Variants in RANBP2 observed in about 807,000 individuals in gnomAD.
RANBP2 encodes E3 SUMO-protein ligase RanBP2.
Under a neutral mutation model 303.6 loss-of-function variants are expected in RANBP2, and 57 were observed. That is an observed-to-expected ratio of 0.19 (90% CI 0.15 to 0.23). RANBP2 has a LOEUF of 0.23. Among genes scored for constraint, RANBP2 ranks in the 10% least tolerant of loss-of-function variants. The pLI, the probability that RANBP2 is intolerant of heterozygous loss-of-function variation, is 1.00. For synonymous variants in RANBP2, 1,167 were observed against 1,301.5 expected (o/e 0.90, Z 2.23); for missense variants, 3,138 against 3,780.8 (o/e 0.83, Z 4.46).
the RANBP2 span, among the ~76,000 whole-genome samples, chr2:108,833,177 A>C: frequency 2.0e-5 from 3 of 152,362 alleles, no homozygotes; most frequent in South Asian, 6.2e-4. Flanking sequence ...CATGGTGGAT[A>C]CATGTCATTA....
At chr2:109,525,038 T>A in the RANBP2 span, among the ~76,000 whole-genome samples, 1 of 151,594 alleles carries the variant, frequency 6.6e-6, no homozygotes, top group East Asian at 1.9e-4. Context: ...ACAGACTAGT[T>A]CAACACTTTC....
At chr2:109,124,205 G>A in the RANBP2 span, among the ~76,000 whole-genome samples, 4 of 149,442 alleles carry the variant, frequency 2.7e-5, no homozygotes, top group South Asian at 2.1e-4. Context: ...ACAGAGTCTC[G>A]CTCTTGTTGC....
At chr2:109,365,349 C>T in the RANBP2 span, among the ~76,000 whole-genome samples, 1 of 152,226 alleles carries the variant, frequency 6.6e-6, no homozygotes, top group Non-Finnish European at 1.5e-5. Flanking sequence ...ACATCAGTTA[C>T]AGTTCAGGCC....
chr2:109,162,826 C>T, the RANBP2 span, among the ~76,000 whole-genome samples: 2 of 152,120 alleles, frequency 1.3e-5, no homozygotes, highest in Non-Finnish European at 2.9e-5. Context: ...AATGTTTAGC[C>T]CCTTGGCTGG....
At chr2:109,614,381 G>T in the RANBP2 span, 2 of 891,232 alleles carry the variant, frequency 2.2e-6, no homozygotes, top group Non-Finnish European at 1.5e-6. Context: ...TAGGCTGGCA[G>T]CCCGCTGAGC....
the RANBP2 span, among the ~76,000 whole-genome samples, chr2:109,136,763 G>T: frequency 6.6e-6 from 1 of 152,210 alleles, no homozygotes; most frequent in African/African-American, 2.4e-5. Flanking sequence ...ATGAATTTAT[G>T]TGAGTTTAAA....
At chr2:109,416,090 G>A in the RANBP2 span, among the ~76,000 whole-genome samples, 1 of 152,142 alleles carries the variant, frequency 6.6e-6, no homozygotes, top group East Asian at 1.9e-4. Flanking sequence ...GCACTTCTCA[G>A]TCTCCAGAAC....
At chr2:108,812,351 T>C in the RANBP2 span, among the ~76,000 whole-genome samples, 1 of 152,194 alleles carries the variant, frequency 6.6e-6, no homozygotes, top group African/African-American at 2.4e-5. Context: ...AACAGTGTAC[T>C]TATTAATAAA....
chr2:108,926,146 C>T, the RANBP2 span, among the ~76,000 whole-genome samples: 1 of 152,340 alleles, frequency 6.6e-6, no homozygotes, highest in Middle Eastern at 3.4e-3. Flanking sequence ...CAACAAAGAA[C>T]ATGTGGCTGT....
the RANBP2 span, among the ~76,000 whole-genome samples, chr2:109,295,065 G>C: frequency 1.3e-5 from 2 of 152,218 alleles, no homozygotes; most frequent in African/African-American, 4.8e-5. Flanking sequence ...TGCCACTGTT[G>C]TCCATGTCAC....
At chr2:108,815,170 A>G in the RANBP2 span, among the ~76,000 whole-genome samples, 3 of 152,178 alleles carry the variant, frequency 2.0e-5, no homozygotes, top group Non-Finnish European at 4.4e-5. Flanking sequence ...TACTGGAAAG[A>G]CAAAGTAACA....
the RANBP2 span, among the ~76,000 whole-genome samples, chr2:108,985,208 T>C: frequency 6.6e-6 from 1 of 152,166 alleles, no homozygotes; most frequent in Non-Finnish European, 1.5e-5. Flanking sequence ...ATGGTATCAG[T>C]TAACAACATC....
the RANBP2 span, among the ~76,000 whole-genome samples, chr2:109,402,076 G>A: frequency 1.3e-5 from 2 of 152,246 alleles, no homozygotes; most frequent in Non-Finnish European, 2.9e-5. Flanking sequence ...GGAGACAGAA[G>A]GGGCACCTGG....
At chr2:109,471,747 G>A in the RANBP2 span, among the ~76,000 whole-genome samples, 25 of 152,252 alleles carry the variant, frequency 1.6e-4, no homozygotes, top group African/African-American at 5.8e-4. Flanking sequence ...CTAATAAGAC[G>A]GTCCCAAGAG....
At chr2:109,719,027 A>AAAAAAAAAAAAAAC in the RANBP2 span, among the ~76,000 whole-genome samples, 2 of 118,214 alleles carry the variant, frequency 1.7e-5, no homozygotes, top group African/African-American at 2.8e-5. Context: ...AAAAAAAAAA[A>AAAAAAAAAAAAAAC]AGAAACAAAA....
At chr2:109,590,666 T>A in the RANBP2 span, among the ~76,000 whole-genome samples, 1 of 152,170 alleles carries the variant, frequency 6.6e-6, no homozygotes, top group Non-Finnish European at 1.5e-5. Context: ...TGACCTCAGG[T>A]GATCCACTCG....
chr2:109,157,218 A>G, the RANBP2 span, among the ~76,000 whole-genome samples: 1 of 151,900 alleles, frequency 6.6e-6, no homozygotes, highest in Non-Finnish European at 1.5e-5. Context: ...CGTCTCTTCT[A>G]CTCCTCAGCT....
the RANBP2 span, among the ~76,000 whole-genome samples, chr2:109,599,974 T>A: frequency 6.6e-6 from 1 of 152,148 alleles, no homozygotes; most frequent in African/African-American, 2.4e-5. Flanking sequence ...CCATTCTGAT[T>A]CTCCCTTCAA....
the RANBP2 span, among the ~76,000 whole-genome samples, chr2:108,806,903 C>T: frequency 6.6e-6 from 1 of 152,104 alleles, no homozygotes; most frequent in Non-Finnish European, 1.5e-5. Context: ...AGTGAACACC[C>T]CAGGATCTCA....
Sources: gnomAD v4.1 joint callset for allele counts (sites outside exome capture counted in the v4.1 genomes callset) on GRCh38, gnomAD v4.1.1 for gene constraint, MANE v1.5 for transcripts, NCBI Gene and HGNC (gene_info 2026-07-23, HGNC 2026-07-21) for gene names.